Variants in TFDP2 observed in about 807,000 individuals in gnomAD.
The protein encoded by TFDP2 is transcription factor Dp-2 (E2F dimerization partner 2).
In TFDP2, 17 loss-of-function variants were observed where a neutral mutation model predicts 59.3. That is an observed-to-expected ratio of 0.29 (90% CI 0.20 to 0.43). TFDP2 has a LOEUF of 0.43. TFDP2 is among the 20% of genes least tolerant of loss of function. The probability of loss-of-function intolerance (pLI) is 1.00; values close to 1 mark genes in which losing one functional copy is unlikely to be tolerated. For missense variants in TFDP2, 391 were observed against 528.8 expected, an observed-to-expected ratio of 0.74 and a Z score of 2.56; for synonymous variants, 180 against 194.7, an observed-to-expected ratio of 0.92 and a Z score of 0.63.
chr3:141,999,300 A>T (rs1943555499), intron 4 of TFDP2, among the ~76,000 whole-genome samples: 1 of 152,262 alleles, frequency 6.6e-6, no homozygotes. Flanking sequence ...AATACAGTAT[A>T]CAATACATAT....
At chr3:142,127,093 T>C (rs2062293760) in intron 1 of TFDP2, among the ~76,000 whole-genome samples, 1 of 148,520 alleles carries the variant, frequency 6.7e-6, no homozygotes, top group South Asian at 2.1e-4. Context: ...TCTACCTATA[T>C]AATTATATAT....
Position 142,044,197 on chromosome 3 carries a change from A to G in TFDP2, c.83-38653T>C, listed in dbSNP as rs572790687. 7 of 353,684 alleles carry G rather than the reference A, an allele frequency of 2.0e-5. No homozygotes were observed. In the East Asian group the frequency reaches 2.5e-4, roughly 13 times the overall value. The allele number at this position is 353,684 out of a possible 1,614,324, so 21.9% of individuals were successfully genotyped here. On this transcript the variant is annotated intron_variant, in intron 3 of 12. Transcript: ENST00000489671. ...CCTCTTCTGAAGCCTGAGCATACTC[A>G]TGGCTGCGGCGGCGGCAGCAGCAAA...
chr3:141,954,053 G>A (rs1234944422), intron 11 of TFDP2, among the ~76,000 whole-genome samples: 3 of 151,922 alleles, frequency 2.0e-5, no homozygotes, highest in East Asian at 1.9e-4. Flanking sequence ...CTAGCTACTC[G>A]GGAGGCTGAG....
Position 142,127,735 on chromosome 3 carries a change from C to T in TFDP2, c.-93+21448G>A, listed in dbSNP as rs574044702. Among the ~76,000 whole-genome samples the T allele has an allele frequency of 5.9e-5, 9 of 152,220 alleles. No individual in the cohort carries two copies. In the South Asian group the frequency reaches 1.9e-3, roughly 32 times the overall value. On this transcript the variant is annotated intron_variant, in intron 1 of 12. Coordinates refer to ENST00000489671, the MANE Select transcript of TFDP2 (RefSeq NM_001178139.2). ...GCCTCAAGCAATTCTCCCACTTCAG[C>T]CTCCCAAACCATTTATAAGTTATAT...
intron 3 of TFDP2, among the ~76,000 whole-genome samples, chr3:142,019,649 C>CG (rs1357729975): frequency 6.8e-6 from 1 of 147,652 alleles, no homozygotes; most frequent in South Asian, 2.1e-4. Flanking sequence ...TATTAAACAC[C>CG]CCCCCCAACA....
At chr3:141,989,306 CTGGATG>C (rs1942486426) in intron 6 of TFDP2, 1 of 152,240 alleles carries the variant, frequency 6.6e-6, no homozygotes, top group African/African-American at 2.4e-5. Context: ...CACAACTTCT[CTGGATG>C]TGAGTGGGCC....
At chr3:141,978,323 C>A (rs1422897732) in intron 7 of TFDP2, among the ~76,000 whole-genome samples, 197 bp downstream of exon 7, 1 of 149,256 alleles carries the variant, frequency 6.7e-6, no homozygotes, top group Admixed American at 6.7e-5. Flanking sequence ...CCAGCCTGGG[C>A]GACAGAGTGA....
chr3:142,140,410 G>A (rs964834057), intron 1 of TFDP2, among the ~76,000 whole-genome samples: 15 of 152,126 alleles, frequency 9.9e-5, no homozygotes, highest in Admixed American at 2.6e-4. Context: ...CGTTGCTGAC[G>A]AGGAGCTGCA....
intron 3 of TFDP2, among the ~76,000 whole-genome samples, chr3:142,064,135 T>C (rs369407576): frequency 6.6e-6 from 1 of 152,218 alleles, no homozygotes; most frequent in East Asian, 1.9e-4. Context: ...TGTGTTTTTA[T>C]AGACATGGGT....
At chr3:142,142,070 T>C (rs2062981398) in intron 1 of TFDP2, among the ~76,000 whole-genome samples, 1 of 152,110 alleles carries the variant, frequency 6.6e-6, no homozygotes, top group East Asian at 1.9e-4. Context: ...ACTACTGTTA[T>C]TCAACAAAGT....
Position 142,044,971 on chromosome 3 carries a change from A to G in TFDP2, c.83-39427T>C, listed in dbSNP as rs190314501. Among the ~76,000 whole-genome samples the G allele has an allele frequency of 4.6e-5, 7 of 152,290 alleles. No homozygotes were observed. The East Asian group carries it at 1.2e-3, about 25-fold the overall frequency. ...TTATTATTATAATTGCTGACATCTC[A>G]GTTGGTTTCCTTCTATGGCAATCTG... On this transcript the variant is annotated intron_variant, in intron 3 of 12. Transcript: ENST00000489671.
At chr3:141,991,383 G>A (rs1411660798) in intron 6 of TFDP2, among the ~76,000 whole-genome samples, 2 of 152,136 alleles carry the variant, frequency 1.3e-5, no homozygotes, top group Non-Finnish European at 2.9e-5. Context: ...TAAAAAGAGA[G>A]TCAACCAGAA....
At chr3:142,023,887 C>T (rs1223089611) in intron 3 of TFDP2, among the ~76,000 whole-genome samples, 2 of 152,114 alleles carry the variant, frequency 1.3e-5, no homozygotes, top group African/African-American at 4.8e-5. Flanking sequence ...CACTGCAGCC[C>T]TGACCTGGGC....
rs1935759211 is a variant in TFDP2 at position 141,949,990 on chromosome 3, A to C, written c.*2523T>G. 2 of 151,790 alleles carry C rather than the reference A, an allele frequency of 1.3e-5. No individual in the cohort carries two copies. Among genetic ancestry groups the C allele is most frequent in the Non-Finnish European group, 2.9e-5 (2 of 68,008 alleles). The allele number at this position is 151,790 out of a possible 1,614,324, so 9.4% of individuals were successfully genotyped here. ...ACCCAGCTAATTTTTGTATTTTTGTAGAGACAGGGTTTTGTCATGTTGCCC... is the reference window on the plus strand; with the variant it reads ...ACCCAGCTAATTTTTGTATTTTTGTCGAGACAGGGTTTTGTCATGTTGCCC... On this transcript the variant is annotated 3_prime_UTR_variant, in exon 13 of 13. Coordinates refer to ENST00000489671, the MANE Select transcript of TFDP2 (RefSeq NM_001178139.2).
intron 1 of TFDP2, among the ~76,000 whole-genome samples, chr3:142,130,298 T>C (rs1005678721): frequency 2.6e-5 from 4 of 152,076 alleles, no homozygotes; most frequent in Non-Finnish European, 5.9e-5. Context: ...GCTACATTGA[T>C]GAACTGTGAG....
At chr3:141,969,548 G>A (rs998664669) in intron 9 of TFDP2, among the ~76,000 whole-genome samples, 5 of 151,812 alleles carry the variant, frequency 3.3e-5, no homozygotes, top group Admixed American at 6.6e-5. Flanking sequence ...GGAGGCAGAG[G>A]TTACAGTGAG....
At chr3:142,002,888 G>T (rs1214674033) in intron 4 of TFDP2, among the ~76,000 whole-genome samples, 1 of 152,130 alleles carries the variant, frequency 6.6e-6, no homozygotes, top group Non-Finnish European at 1.5e-5. Context: ...TGGCTGGGAA[G>T]TCCAGGATCA....
intron 1 of TFDP2, among the ~76,000 whole-genome samples, chr3:142,133,654 A>G (rs1439909105): frequency 6.6e-6 from 1 of 151,874 alleles, no homozygotes; most frequent in East Asian, 1.9e-4. Flanking sequence ...GTGCCATCAC[A>G]CCTGGCTAAT....
At chr3:142,111,936 C>T (rs2061680298) in intron 1 of TFDP2, among the ~76,000 whole-genome samples, 2 of 151,958 alleles carry the variant, frequency 1.3e-5, no homozygotes, top group Non-Finnish European at 1.5e-5. Context: ...TGTGGTGGAG[C>T]GTGCCTGTAA....
Sources: gnomAD v4.1 joint callset for allele counts (sites outside exome capture counted in the v4.1 genomes callset) on GRCh38, gnomAD v4.1.1 for gene constraint, MANE v1.5 for transcripts, NCBI Gene and HGNC (gene_info 2026-07-23, HGNC 2026-07-21) for gene names.